The following CHRNA7 variants were observed in gnomAD, a reference collection of about 807,000 sequenced individuals.
CHRNA7 encodes the protein cholinergic receptor nicotinic alpha 7 subunit, also known as neuronal acetylcholine receptor subunit alpha-7.
A neutral mutation model predicts 48.0 loss-of-function variants in CHRNA7; 17 were observed. The observed-to-expected ratio is 0.35, with a 90% CI of 0.24 to 0.53. The LOEUF (loss-of-function observed/expected upper bound fraction) is 0.53, where lower values mean the gene tolerates loss of function less well. CHRNA7 is among the 20% of genes least tolerant of loss of function. CHRNA7 has a pLI of 0.92. For missense variants in CHRNA7, 155 were observed against 577.7 expected (o/e 0.27, Z 7.50); for synonymous variants, 75 against 242.3 (o/e 0.31, Z 6.41).
chr15:32,052,945 C>T (rs2049718231), intron 2 of CHRNA7, among the ~76,000 whole-genome samples: 1 of 152,146 alleles, frequency 6.6e-6, no homozygotes, highest in African/African-American at 2.4e-5. Context: ...CTGATTTCAT[C>T]ATTACACATT....
At chr15:32,076,540 G>A (rs2050138978) in intron 2 of CHRNA7, among the ~76,000 whole-genome samples, 1 of 152,142 alleles carries the variant, frequency 6.6e-6, no homozygotes, top group Non-Finnish European at 1.5e-5. Flanking sequence ...CAAATCGTGT[G>A]TATTGTTTTA....
chr15:32,077,050 A>G (rs1354894044), intron 2 of CHRNA7, among the ~76,000 whole-genome samples: 2 of 152,138 alleles, frequency 1.3e-5, no homozygotes, highest in Non-Finnish European at 2.9e-5. Flanking sequence ...AGCATACAGA[A>G]TGTAGCCTTT....
At chr15:32,081,276 C>T (rs925109909) in intron 2 of CHRNA7, among the ~76,000 whole-genome samples, 2 of 151,824 alleles carry the variant, frequency 1.3e-5, no homozygotes, top group African/African-American at 4.8e-5. Flanking sequence ...CACATGTATC[C>T]CGAAACTTAA....
intron 4 of CHRNA7, among the ~76,000 whole-genome samples, chr15:32,118,468 T>C (rs1396493639): frequency 2.0e-5 from 3 of 152,140 alleles, no homozygotes; most frequent in Non-Finnish European, 4.4e-5. Flanking sequence ...ACACCTGAGC[T>C]GGAGGGAGGC....
chr15:32,032,230 A>G (rs925030716), intron 2 of CHRNA7, among the ~76,000 whole-genome samples: 1 of 152,218 alleles, frequency 6.6e-6, no homozygotes, highest in African/African-American at 2.4e-5. Context: ...GATGATGTGG[A>G]AAAGTTATCA....
At chr15:32,148,052 T>C (rs1281127401) in intron 4 of CHRNA7, among the ~76,000 whole-genome samples, 1 of 152,226 alleles carries the variant, frequency 6.6e-6, no homozygotes, top group African/African-American at 2.4e-5. Context: ...TCTTCATCTC[T>C]CTTGCCCTTC....
chr15:32,034,866 C>T (rs1281705436), intron 2 of CHRNA7, among the ~76,000 whole-genome samples: 1 of 152,180 alleles, frequency 6.6e-6, no homozygotes, highest in Middle Eastern at 3.4e-3. Flanking sequence ...GGTCGTTAAA[C>T]AGGGGAGGGA....
At chr15:32,088,137 A>G (rs2050327920) in intron 2 of CHRNA7, among the ~76,000 whole-genome samples, 1 of 152,182 alleles carries the variant, frequency 6.6e-6, no homozygotes, top group East Asian at 1.9e-4. Flanking sequence ...ATAAATTTAC[A>G]GTCTCTAAAG....
chr15:32,054,860 T>C (rs948880062), intron 2 of CHRNA7, among the ~76,000 whole-genome samples: 1 of 152,258 alleles, frequency 6.6e-6, no homozygotes, highest in African/African-American at 2.4e-5. Flanking sequence ...ATGTGTTACA[T>C]GTCTTCTGAC....
At chr15:32,052,099 C>T (rs1429822093) in intron 2 of CHRNA7, among the ~76,000 whole-genome samples, 5 of 152,230 alleles carry the variant, frequency 3.3e-5, no homozygotes, top group Non-Finnish European at 4.4e-5. Context: ...GAAAGGTGGC[C>T]TCAAATCTTG....
At chr15:32,081,707 TCAGA>T (rs1382760968) in intron 2 of CHRNA7, among the ~76,000 whole-genome samples, 1 of 152,176 alleles carries the variant, frequency 6.6e-6, no homozygotes, top group East Asian at 1.9e-4. Context: ...TAAAACCATC[TCAGA>T]CAGTTTTATA....
At chr15:32,114,101 T>TAC (rs2050825272) in intron 4 of CHRNA7, among the ~76,000 whole-genome samples, 1 of 125,690 alleles carries the variant, frequency 8.0e-6, no homozygotes, top group Non-Finnish European at 1.8e-5. Flanking sequence ...CACACACACA[T>TAC]ATACACACAC....
chr15:32,134,976 G>A (rs180683836), intron 4 of CHRNA7, among the ~76,000 whole-genome samples: 2 of 152,224 alleles, frequency 1.3e-5, no homozygotes, highest in African/African-American at 2.4e-5. Flanking sequence ...CAACACTTCT[G>A]TAGTGCTTCT....
chr15:32,153,454 C>A, intron 4 of CHRNA7: 1 of 160,548 alleles, frequency 6.2e-6, no homozygotes, highest in Non-Finnish European at 1.3e-5. Context: ...ATATGTGAAG[C>A]ACAAACCAAG....
In CHRNA7 at chr15:32,031,119, C is replaced by A. The variant is rs994918783; in HGVS notation, c.195+82C>A. 1.7e-5 allele frequency: 26 copies of A among 1,552,064 alleles called. No individual in the cohort carries two copies. In the East Asian group the frequency reaches 4.8e-4, roughly 28 times the overall value. ...TTTTAGACAGCGTCGGGCGGCCAGG[C>A]GGTGGAGCTCGGCTGGGGCACTCTA... On this transcript the variant is annotated intron_variant, in intron 2 of 9. Transcript: ENST00000306901.
chr15:32,141,133 T>C (rs755761478), intron 4 of CHRNA7, among the ~76,000 whole-genome samples: 14 of 152,252 alleles, frequency 9.2e-5, no homozygotes, highest in Admixed American at 2.0e-4. Flanking sequence ...TTCAGCTTTA[T>C]ACATATGGCT....
intron 3 of CHRNA7, chr15:32,101,656 T>C (rs1595447234): frequency 7.2e-6 from 2 of 279,256 alleles, no homozygotes; most frequent in Non-Finnish European, 1.3e-5. Context: ...GTCCACAACC[T>C]GCACCACAGC....
chr15:32,121,296 C>T (rs1021011948), intron 4 of CHRNA7, among the ~76,000 whole-genome samples: 2 of 152,218 alleles, frequency 1.3e-5, no homozygotes, highest in East Asian at 1.9e-4. Context: ...TCTAGGAAGA[C>T]GCACATTCAC....
chr15:32,060,641 G>A (rs1171054114), intron 2 of CHRNA7, among the ~76,000 whole-genome samples: 1 of 152,152 alleles, frequency 6.6e-6, no homozygotes, highest in African/African-American at 2.4e-5. Flanking sequence ...TTGTGAATTG[G>A]ACATTTTCAG....
Sources: gnomAD v4.1 joint callset for allele counts (sites outside exome capture counted in the v4.1 genomes callset) on GRCh38, gnomAD v4.1.1 for gene constraint, MANE v1.5 for transcripts, NCBI Gene and HGNC (gene_info 2026-07-23, HGNC 2026-07-21) for gene names.